TRPM7: variants seen among roughly 807,000 people sequenced by gnomAD.
The protein encoded by TRPM7 is LTRPC ion channel family member 7.
Under a neutral mutation model 229.7 loss-of-function variants are expected in TRPM7, and 134 were observed. The observed-to-expected ratio is 0.58, with a 90% CI of 0.51 to 0.67. The LOEUF is 0.67. Among genes scored for constraint, TRPM7 ranks in the 30% least tolerant of loss-of-function variants. The pLI is 0.00. For synonymous variants in TRPM7, 699 were observed against 715.2 expected (o/e 0.98, Z 0.36); for missense variants, 1,901 against 2,210.0 (o/e 0.86, Z 2.80).
At chr15:50,644,901 G>GGTTTT (rs1356730758) in intron 4 of TRPM7, among the ~76,000 whole-genome samples, 70 of 151,294 alleles carry the variant, frequency 4.6e-4, no homozygotes, top group African/African-American at 1.6e-3. Flanking sequence ...TTTGGTTTTT[G>GGTTTT]GTTTTGTTTT....
rs2059587233 is a variant in TRPM7, at chr15:50,594,511, T to C, written c.3393A>G (p.Pro1131=). Residue 1131 remains proline, a synonymous_variant, in exon 24 of 39, where the codon CCA becomes CCG. Coordinates refer to ENST00000646667, the MANE Select transcript of TRPM7 (RefSeq NM_017672.6). The part of the protein sequence containing the change: ...AYHEKPVLPP[P]LIILSHIVSL... ...AAACTATATGGCTAAGAATGATAAG[T>C]GGAGGAGGCAGAACTGGTTTCTCAT... The C allele has an allele frequency of 1.2e-6, 2 of 1,613,098 alleles. No individual in the cohort carries two copies. Among genetic ancestry groups the C allele is most frequent in the African/African-American group, 1.3e-5 (1 of 74,912 alleles).
chr15:50,643,465 A>G lies in TRPM7; in HGVS notation c.410T>C (p.Ile137Thr). ...EWQMELPKLV[I>T]SVHGGMQKFE... ...TTTCTGCATGCCCCCATGTACAGAG[A>G]TAACAAGTTTGGGTAACTCCATTTG... The change falls in exon 5 of 39, where the codon ATC becomes ACC. Residue 137 changes from isoleucine (I) to threonine (T), a missense_variant. Ile to Thr is a moderately conservative substitution (Grantham distance 89). Around this residue, in one of 8 missense-constraint regions of TRPM7, gnomAD observed 794 missense variants for 881.9 expected, o/e 0.90. Coordinates refer to ENST00000646667, the MANE Select transcript of TRPM7 (RefSeq NM_017672.6). 7 of 1,614,166 alleles carry G rather than the reference A, an allele frequency of 4.3e-6. No individual in the cohort carries two copies. Among genetic ancestry groups the G allele is most frequent in the Non-Finnish European group, 5.9e-6 (7 of 1,180,026 alleles).
chr15:50,649,519 G>T (rs935719261), intron 3 of TRPM7, among the ~76,000 whole-genome samples: 11 of 151,210 alleles, frequency 7.3e-5, no homozygotes, highest in Admixed American at 2.0e-4. Flanking sequence ...TAATACTACA[G>T]AATGGATAAA....
intron 21 of TRPM7, among the ~76,000 whole-genome samples, chr15:50,602,148 G>A (rs2059799012): frequency 6.6e-6 from 1 of 151,926 alleles, no homozygotes; most frequent in Admixed American, 6.6e-5. Flanking sequence ...GTCCGTCAAT[G>A]ATAGACTGGA....
intron 1 of TRPM7, among the ~76,000 whole-genome samples, chr15:50,664,161 G>C (rs1453942579): frequency 1.3e-5 from 2 of 151,926 alleles, no homozygotes; most frequent in African/African-American, 4.8e-5. Context: ...AGCTGGGTGT[G>C]GTGGCGTGTG....
At chr15:50,640,459 T>TC (rs1212157500) in intron 5 of TRPM7, among the ~76,000 whole-genome samples, 1 of 150,088 alleles carries the variant, frequency 6.7e-6, no homozygotes, top group Non-Finnish European at 1.5e-5. Context: ...TTTTCTTTTT[T>TC]TTTTTTTTTT....
intron 12 of TRPM7, among the ~76,000 whole-genome samples, chr15:50,620,283 A>G (rs986579874): frequency 4.6e-5 from 7 of 150,780 alleles, no homozygotes; most frequent in Non-Finnish European, 1.0e-4. Flanking sequence ...TTCTTAAAAC[A>G]TAGAGTTTTT....
intron 31 of TRPM7, among the ~76,000 whole-genome samples, chr15:50,577,558 G>A (rs142441759): frequency 2.0e-5 from 3 of 152,048 alleles, no homozygotes; most frequent in Admixed American, 6.6e-5. Context: ...CTTCTCACCC[G>A]GGGGCAGGGA....
chr15:50,586,598 T>C, intron 27 of TRPM7, 110 bp from the exon 28 acceptor site: 1 of 652,092 alleles, frequency 1.5e-6, no homozygotes, highest in African/African-American at 1.8e-5. Flanking sequence ...TATGCTTTAT[T>C]CTACCTGGAC....
At chr15:50,605,632 A>G (rs2059900489) in intron 20 of TRPM7, among the ~76,000 whole-genome samples, 1 of 152,202 alleles carries the variant, frequency 6.6e-6, no homozygotes, top group Non-Finnish European at 1.5e-5. Flanking sequence ...CACAACTTCA[A>G]AATTCATGGT....
At chr15:50,641,689 G>A (rs1262620309) in intron 5 of TRPM7, among the ~76,000 whole-genome samples, 1 of 152,110 alleles carries the variant, frequency 6.6e-6, no homozygotes, top group Non-Finnish European at 1.5e-5. Context: ...AAAAACTTCT[G>A]ACACAATGAG....
chr15:50,576,613 G>A (rs1230671017), intron 31 of TRPM7, among the ~76,000 whole-genome samples: 2 of 152,126 alleles, frequency 1.3e-5, no homozygotes, highest in African/African-American at 4.8e-5. Context: ...TAAGAGAAGG[G>A]GGAAGATTGA....
intron 1 of TRPM7, among the ~76,000 whole-genome samples, chr15:50,664,081 C>G (rs1271312243): frequency 6.6e-6 from 1 of 152,122 alleles, no homozygotes; most frequent in Non-Finnish European, 1.5e-5. Context: ...GGGCGGATCA[C>G]AAAGTCAGAA....
chr15:50,561,861 A>C, intron 38 of TRPM7, 53 bp from the exon 39 acceptor site: 1 of 1,460,556 alleles, frequency 6.8e-7, no homozygotes, highest in Non-Finnish European at 9.1e-7. Flanking sequence ...GAAAAGAAAA[A>C]AGTTAGTATT....
intron 38 of TRPM7, among the ~76,000 whole-genome samples, chr15:50,563,148 G>A (rs781143082): frequency 3.3e-5 from 5 of 152,174 alleles, no homozygotes; most frequent in African/African-American, 1.2e-4. Context: ...GCCTGTTTTT[G>A]TAAGTAGTTT....
At position 50,594,490 on chromosome 15, in the gene TRPM7, T is replaced by C. The variant is rs1321678526; in HGVS notation, c.3414A>G (p.Ile1138Met). The C allele has an allele frequency of 4.3e-6, 7 of 1,613,152 alleles. No homozygotes were observed. Among genetic ancestry groups the C allele is most frequent in the Non-Finnish European group, 5.9e-6 (7 of 1,179,670 alleles). Residue 1138 changes from isoleucine (I) to methionine (M), a missense_variant, in exon 24 of 39, where the codon ATA becomes ATG. Coordinates refer to ENST00000646667, the MANE Select transcript of TRPM7 (RefSeq NM_017672.6). ...TACATATGCAGCAAAACAGAGAAACTATATGGCTAAGAATGATAAGTGGAG... is the reference window on the plus strand; with the variant it reads ...TACATATGCAGCAAAACAGAGAAACCATATGGCTAAGAATGATAAGTGGAG... ...LPPPLIILSH[I>M]VSLFCCICKR...
At position 50,599,028 on chromosome 15, in the gene TRPM7, T is replaced by C. The variant is rs1596146734; in HGVS notation, c.3163+94A>G. Reference sequence around the variant, plus strand: ...TGTGGGGCTTAGGTTGGTAATAGTTTGACTTCTGAAAATATGCAATATTAC... The same window carrying C: ...TGTGGGGCTTAGGTTGGTAATAGTTCGACTTCTGAAAATATGCAATATTAC... On this transcript the variant is annotated intron_variant, in intron 22 of 38. Coordinates refer to ENST00000646667, the MANE Select transcript of TRPM7 (RefSeq NM_017672.6). 1.0e-5 allele frequency: 10 copies of C among 976,810 alleles called. No individual in the cohort carries two copies. In the South Asian group the frequency reaches 1.8e-4, roughly 17 times the overall value. 60.5% of individuals were successfully genotyped at this position (976,810 alleles called of 1,614,324 possible). A position where few individuals can be genotyped will look rare whatever the true frequency, so the allele number is the denominator to read the frequency against.
At chr15:50,568,552 C>T (rs896494694) in intron 38 of TRPM7, among the ~76,000 whole-genome samples, 5 of 152,142 alleles carry the variant, frequency 3.3e-5, no homozygotes, top group African/African-American at 4.8e-5. Flanking sequence ...CTAAGTATCT[C>T]ACAAAACCAA....
chr15:50,570,836 C>A (rs555532733), intron 36 of TRPM7, among the ~76,000 whole-genome samples: 1 of 149,428 alleles, frequency 6.7e-6, no homozygotes, highest in African/African-American at 2.5e-5. Flanking sequence ...GCCTGGGCAA[C>A]AGAGTGAAAT....
Sources: allele counts gnomAD v4.1 joint callset (sites outside exome capture counted in the v4.1 genomes callset), GRCh38; gene constraint gnomAD v4.1.1; regional missense constraint gnomAD v4.1.1; transcripts MANE v1.5; gene names NCBI Gene and HGNC (gene_info 2026-07-23, HGNC 2026-07-21).